EEF1AKMT1: variants seen among roughly 807,000 people sequenced by gnomAD.
The protein encoded by EEF1AKMT1 is EEF1A lysine methyltransferase 1, also known as N-6 adenine-specific DNA methyltransferase 2 (putative).
Under a neutral mutation model 21.0 loss-of-function variants are expected in EEF1AKMT1, and 18 were observed. The observed-to-expected ratio is 0.86, with a 90% CI of 0.59 to 1.27. The LOEUF (loss-of-function observed/expected upper bound fraction) is 1.27, where lower values mean the gene tolerates loss of function less well. EEF1AKMT1 is among the 50% of genes most tolerant of loss of function. The pLI is 0.00. For missense variants in EEF1AKMT1, 246 were observed against 258.6 expected, an observed-to-expected ratio of 0.95 and a Z score of 0.33; for synonymous variants, 109 against 94.8, an observed-to-expected ratio of 1.15 and a Z score of -0.87.
At chr13:20,739,849 C>G (rs776379810) in intron 2 of EEF1AKMT1, among the ~76,000 whole-genome samples, 2 of 152,262 alleles carry the variant, frequency 1.3e-5, no homozygotes, top group Non-Finnish European at 2.9e-5. Flanking sequence ...CCACCTGACT[C>G]AGGAGCCCAG....
chr13:20,738,868 T>C (rs1266619725), intron 2 of EEF1AKMT1, among the ~76,000 whole-genome samples: 2 of 152,076 alleles, frequency 1.3e-5, no homozygotes, highest in African/African-American at 4.8e-5. Flanking sequence ...ATGGTTTCTT[T>C]TAGACGCAAC....
intron 2 of EEF1AKMT1, chr13:20,757,238 T>C (rs1388814689): frequency 2.0e-5 from 8 of 408,850 alleles, no homozygotes; most frequent in Non-Finnish European, 2.6e-5. Context: ...ACCAGCCTGA[T>C]AGTCAGAATC....
Position 20,757,503 on chromosome 13 carries a change from C to T in EEF1AKMT1, c.96G>A (p.Glu32=), listed in dbSNP as rs1035531560. 4 of 1,614,150 alleles carry T rather than the reference C, an allele frequency of 2.5e-6. No individual in the cohort carries two copies. The highest frequency in any genetic ancestry group is 3.4e-6 in the Non-Finnish European group (4 of 1,180,028). ...EFYAEQKQQI[E]PGEDDKYNIG... ...TGTTATATTTATCATCCTCGCCTGG[C>T]TCAATTTGTTGCTTTTGCTCAGCAT... The change falls in exon 2 of 5, where the codon GAG becomes GAA. Residue 32 remains glutamate (E), a synonymous_variant. Coordinates refer to ENST00000382758, the MANE Select transcript of EEF1AKMT1 (RefSeq NM_001318939.2).
intron 1 of EEF1AKMT1, among the ~76,000 whole-genome samples, chr13:20,767,225 G>C (rs1426533884): frequency 7.2e-6 from 1 of 139,084 alleles, no homozygotes; most frequent in African/African-American, 2.6e-5. Flanking sequence ...AGAATGGCAT[G>C]AACCCGGGAG....
chr13:20,739,060 G>T (rs948865760), intron 2 of EEF1AKMT1, among the ~76,000 whole-genome samples: 2 of 152,048 alleles, frequency 1.3e-5, no homozygotes, highest in East Asian at 1.9e-4. Flanking sequence ...CTTCCTCCTG[G>T]GGGGGTCGTG....
Position 20,729,044 on chromosome 13 carries a change from A to G in EEF1AKMT1, c.*36T>C. The G allele has an allele frequency of 6.2e-7, 1 of 1,612,182 alleles. No homozygotes were observed. Among genetic ancestry groups the G allele is most frequent in the South Asian group, 1.1e-5 (1 of 90,966 alleles). On this transcript the variant is annotated 3_prime_UTR_variant, in exon 5 of 5. Coordinates refer to ENST00000382758, the MANE Select transcript of EEF1AKMT1 (RefSeq NM_001318939.2). ...ACGAAAATACAAAAAGAGGAATGTG[A>G]CAGGGTTCCTTCCTGTGTTATGTCA...
intron 4 of EEF1AKMT1, among the ~76,000 whole-genome samples, chr13:20,730,954 C>A (rs946805914): frequency 1.3e-5 from 2 of 152,170 alleles, no homozygotes; most frequent in African/African-American, 4.8e-5. Flanking sequence ...GTAACACATA[C>A]CGCAAGGGTC....
chr13:20,765,973 G>C (rs1449132891), intron 1 of EEF1AKMT1, among the ~76,000 whole-genome samples: 1 of 151,958 alleles, frequency 6.6e-6, no homozygotes, highest in African/African-American at 2.4e-5. Context: ...CTAACATCAA[G>C]TAGGCATATA....
chr13:20,746,525 G>A (rs937974763), intron 2 of EEF1AKMT1, among the ~76,000 whole-genome samples: 1 of 152,178 alleles, frequency 6.6e-6, no homozygotes, highest in East Asian at 1.9e-4. Context: ...CTGGAAGAAA[G>A]CCCCTAGCAT....
intron 2 of EEF1AKMT1, among the ~76,000 whole-genome samples, chr13:20,749,000 A>T (rs1004575441): frequency 6.6e-6 from 1 of 152,192 alleles, no homozygotes; most frequent in Non-Finnish European, 1.5e-5. Flanking sequence ...AAGTGGGTAG[A>T]ATTACAGGCG....
intron 2 of EEF1AKMT1, chr13:20,757,248 C>T (rs2058976390): frequency 4.6e-6 from 2 of 432,338 alleles, no homozygotes; most frequent in East Asian, 7.0e-5. Flanking sequence ...TAGTCAGAAT[C>T]AAGAACAGCT....
intron 1 of EEF1AKMT1, among the ~76,000 whole-genome samples, chr13:20,765,420 T>TTTG (rs2059024891): frequency 4.6e-5 from 6 of 130,550 alleles, no homozygotes; most frequent in African/African-American, 1.8e-4. Context: ...TTTTTTTTTT[T>TTTG]TTTTTTTTTT....
At chr13:20,735,564 C>G (rs2058822011) in intron 3 of EEF1AKMT1, among the ~76,000 whole-genome samples, 1 of 152,064 alleles carries the variant, frequency 6.6e-6, no homozygotes, top group Non-Finnish European at 1.5e-5. Flanking sequence ...GGACCACTGA[C>G]AAAACTACAA....
intron 1 of EEF1AKMT1, among the ~76,000 whole-genome samples, chr13:20,765,682 A>T (rs1174194223): frequency 6.6e-6 from 1 of 151,684 alleles, no homozygotes; most frequent in Non-Finnish European, 1.5e-5. Context: ...AAGTGCTGGG[A>T]TTACAGGCAT....
chr13:20,753,766 A>G (rs560189058), intron 2 of EEF1AKMT1, among the ~76,000 whole-genome samples: 2 of 152,176 alleles, frequency 1.3e-5, no homozygotes, highest in South Asian at 2.1e-4. Context: ...TGTGCATGGA[A>G]TATCTTTTTT....
chr13:20,737,327 C>G (rs2058831510), intron 3 of EEF1AKMT1, among the ~76,000 whole-genome samples: 1 of 152,056 alleles, frequency 6.6e-6, no homozygotes, highest in Non-Finnish European at 1.5e-5. Flanking sequence ...TCGCACCACT[C>G]TGCACTCCAG....
Position 20,743,540 on chromosome 13 carries a change from G to A in EEF1AKMT1, c.145-5735C>T, listed in dbSNP as rs115764122. ...GACTTCCCCTCCACCTCAAAAGTCT[G>A]GGGAGGTGTCTTGCATTTTGCTCCC... On this transcript the variant is annotated intron_variant, in intron 2 of 4. Transcript: ENST00000382758. Among the ~76,000 whole-genome samples, 439 of 151,118 alleles carry A rather than the reference G, an allele frequency of 2.9e-3. 1 individual carries two copies. Among genetic ancestry groups the A allele is most frequent in the African/African-American group, 0.01 (427 of 41,134 alleles).
At chr13:20,737,601 T>C in intron 3 of EEF1AKMT1, 122 bp downstream of exon 3, 1 of 827,488 alleles carries the variant, frequency 1.2e-6, no homozygotes, top group South Asian at 1.7e-5. Flanking sequence ...TGTCATATGC[T>C]GCAAACCATG....
chr13:20,769,032 C>T (rs2059050225), intron 1 of EEF1AKMT1: 1 of 151,964 alleles, frequency 6.6e-6, no homozygotes, highest in Admixed American at 6.6e-5. Context: ...TGGGATGGAT[C>T]TAGGTGGGGA....
Sources: allele counts gnomAD v4.1 joint callset (sites outside exome capture counted in the v4.1 genomes callset), GRCh38; gene constraint gnomAD v4.1.1; transcripts MANE v1.5; gene names NCBI Gene and HGNC (gene_info 2026-07-23, HGNC 2026-07-21).